Variants in RAB38 observed in about 807,000 individuals in gnomAD.
The protein encoded by RAB38 is ras-related protein Rab-38.
Under a neutral mutation model 18.4 loss-of-function variants are expected in RAB38, and 15 were observed. The observed-to-expected ratio is 0.82, with a 90% CI of 0.55 to 1.26. The LOEUF (loss-of-function observed/expected upper bound fraction) is 1.26, where lower values mean the gene tolerates loss of function less well. RAB38 is among the 50% of genes most tolerant of loss of function. RAB38 has a pLI of 0.00. For synonymous variants in RAB38, 101 were observed against 104.4 expected, an observed-to-expected ratio of 0.97 and a Z score of 0.20; for missense variants, 294 against 267.4, an observed-to-expected ratio of 1.10 and a Z score of -0.69.
chr11:88,108,851 C>A (rs1942436827), downstream of RAB38, among the ~76,000 whole-genome samples: 1 of 152,182 alleles, frequency 6.6e-6, no homozygotes, highest in Non-Finnish European at 1.5e-5. Context: ...AATCTCTCAG[C>A]ATTTGCCTTG....
chr11:88,042,806 C>T, the RAB38 span, among the ~76,000 whole-genome samples: 1 of 152,168 alleles, frequency 6.6e-6, no homozygotes, highest in Non-Finnish European at 1.5e-5. Flanking sequence ...CTTTTGTGAA[C>T]CTCAGAATGC....
chr11:87,846,057 G>A, the RAB38 span, among the ~76,000 whole-genome samples: 1 of 151,980 alleles, frequency 6.6e-6, no homozygotes, highest in Non-Finnish European at 1.5e-5. Context: ...GAAAAGTTAG[G>A]TGTATATATT....
At chr11:88,081,112 CAAAAT>C in the RAB38 span, among the ~76,000 whole-genome samples, 2 of 151,454 alleles carry the variant, frequency 1.3e-5, no homozygotes, top group African/African-American at 2.4e-5. Context: ...ATGGCTAAAA[CAAAAT>C]AAAAGACACA....
chr11:87,873,686 T>C, the RAB38 span, among the ~76,000 whole-genome samples: 1 of 151,464 alleles, frequency 6.6e-6, no homozygotes, highest in Non-Finnish European at 1.5e-5. Context: ...CATCCAGTTG[T>C]CCTGGCACCA....
At chr11:88,122,682 T>A (rs1942645541) in intron 2 of RAB38, among the ~76,000 whole-genome samples, 2 of 152,270 alleles carry the variant, frequency 1.3e-5, no homozygotes, top group South Asian at 4.1e-4. Context: ...ACATATAGGA[T>A]AAACTACTTT....
chr11:88,173,489 T>C (rs894997388), intron 1 of RAB38: 1 of 977,732 alleles, frequency 1.0e-6, no homozygotes, highest in African/African-American at 1.8e-5. Flanking sequence ...GGGCTATTAA[T>C]CACTGTACCC....
At chr11:88,045,086 T>G in the RAB38 span, among the ~76,000 whole-genome samples, 1 of 152,212 alleles carries the variant, frequency 6.6e-6, no homozygotes, top group Non-Finnish European at 1.5e-5. Context: ...TCATCGAATA[T>G]AAAAACCCAG....
At chr11:87,903,801 T>C in the RAB38 span, among the ~76,000 whole-genome samples, 3 of 151,640 alleles carry the variant, frequency 2.0e-5, 1 homozygote, top group East Asian at 5.9e-4. Flanking sequence ...TTTTTCCATT[T>C]CCCTTATTAA....
At chr11:87,874,977 T>C in the RAB38 span, among the ~76,000 whole-genome samples, 1 of 151,532 alleles carries the variant, frequency 6.6e-6, no homozygotes, top group African/African-American at 2.4e-5. Context: ...AATCAATATG[T>C]TGAAGGGATA....
chr11:88,055,448 T>C, the RAB38 span, among the ~76,000 whole-genome samples: 1 of 152,160 alleles, frequency 6.6e-6, no homozygotes, highest in Non-Finnish European at 1.5e-5. Context: ...ACTAAAATGT[T>C]CTTAGAGTTG....
chr11:87,822,673 C>T, the RAB38 span, among the ~76,000 whole-genome samples: 1 of 152,206 alleles, frequency 6.6e-6, no homozygotes, highest in Non-Finnish European at 1.5e-5. Flanking sequence ...GCACAAGCCA[C>T]AGTCTTTTTA....
chr11:88,129,771 C>T (rs34248992), intron 2 of RAB38, among the ~76,000 whole-genome samples: 2 of 152,258 alleles, frequency 1.3e-5, no homozygotes, highest in Non-Finnish European at 2.9e-5. Flanking sequence ...TACAGATACA[C>T]ACATATTTCT....
the RAB38 span, among the ~76,000 whole-genome samples, chr11:87,861,297 CAATGGGTGCCAA>C: frequency 1.3e-5 from 2 of 151,880 alleles, no homozygotes. Context: ...TAAAGTTGAA[CAATGGGTGCCAA>C]AATGGTTTCA....
chr11:87,926,859 A>C, the RAB38 span, among the ~76,000 whole-genome samples: 1 of 151,960 alleles, frequency 6.6e-6, no homozygotes, highest in Non-Finnish European at 1.5e-5. Flanking sequence ...ACGTCACCCA[A>C]TTTCCCAGGA....
the RAB38 span, among the ~76,000 whole-genome samples, chr11:87,834,441 A>AT: frequency 2.6e-5 from 4 of 152,240 alleles, no homozygotes; most frequent in African/African-American, 9.6e-5. Context: ...GTTTTAAGCT[A>AT]CAGCGTTTGT....
At chr11:87,848,355 C>A in the RAB38 span, among the ~76,000 whole-genome samples, 1 of 151,216 alleles carries the variant, frequency 6.6e-6, no homozygotes, top group African/African-American at 2.5e-5. Flanking sequence ...CTTTCCCCCA[C>A]CTTCCAGGTC....
the RAB38 span, among the ~76,000 whole-genome samples, chr11:88,036,364 C>T: frequency 6.6e-6 from 1 of 152,174 alleles, no homozygotes; most frequent in Non-Finnish European, 1.5e-5. Flanking sequence ...AGTAACATTG[C>T]TTCTGAATCT....
At chr11:88,026,593 A>G in the RAB38 span, among the ~76,000 whole-genome samples, 2 of 150,662 alleles carry the variant, frequency 1.3e-5, no homozygotes, top group African/African-American at 4.9e-5. Flanking sequence ...AAAAAGGAAA[A>G]GAAATGAAAC....
chr11:88,172,149 C>T (rs1031030665), intron 1 of RAB38, among the ~76,000 whole-genome samples: 2 of 152,226 alleles, frequency 1.3e-5, no homozygotes, highest in Non-Finnish European at 2.9e-5. Flanking sequence ...AAATCTGGCT[C>T]TTCCTCTACT....
Sources: allele counts gnomAD v4.1 joint callset (sites outside exome capture counted in the v4.1 genomes callset), GRCh38; gene constraint gnomAD v4.1.1; transcripts MANE v1.5; gene names NCBI Gene and HGNC (gene_info 2026-07-23, HGNC 2026-07-21).